The following PTPRN2 variants were observed in gnomAD, a reference collection of about 807,000 sequenced individuals.
The protein encoded by PTPRN2 is protein tyrosine phosphatase receptor type N2.
Under a neutral mutation model 118.8 loss-of-function variants are expected in PTPRN2, and 74 were observed. The observed-to-expected ratio is 0.62, with a 90% CI of 0.52 to 0.76. The LOEUF (loss-of-function observed/expected upper bound fraction) is 0.76, where lower values mean the gene tolerates loss of function less well. Among genes scored for constraint, PTPRN2 ranks in the 30% least tolerant of loss-of-function variants. The probability of loss-of-function intolerance (pLI) is 0.00; values close to 1 mark genes in which losing one functional copy is unlikely to be tolerated. For missense variants in PTPRN2, 1,481 were observed against 1,394.4 expected (o/e 1.06, Z -0.99); for synonymous variants, 641 against 608.0 (o/e 1.05, Z -0.80).
chr7:157,962,534 A>C (rs1487064019), intron 11 of PTPRN2, among the ~76,000 whole-genome samples: 1 of 152,224 alleles, frequency 6.6e-6, no homozygotes, highest in Non-Finnish European at 1.5e-5. Flanking sequence ...TATTTAATAC[A>C]CAGATTATTT....
chr7:157,662,208 G>A (rs780520577), intron 13 of PTPRN2, among the ~76,000 whole-genome samples: 4 of 152,288 alleles, frequency 2.6e-5, no homozygotes, highest in Admixed American at 1.3e-4. Context: ...CGACTTCACC[G>A]CTGGGAGGAT....
intron 3 of PTPRN2, among the ~76,000 whole-genome samples, chr7:158,273,322 C>T (rs1798639301): frequency 6.6e-6 from 1 of 151,140 alleles, no homozygotes; most frequent in Non-Finnish European, 1.5e-5. Context: ...TCCTTGCCTG[C>T]TGGGGAGGCC....
At position 158,311,065 on chromosome 7, in the gene PTPRN2, G is replaced by A. The variant is rs59373273; in HGVS notation, c.277+5754C>T. Among the ~76,000 whole-genome samples the A allele has an allele frequency of 3.8e-3, 572 of 152,276 alleles. 3 individuals carry two copies. The highest frequency in any genetic ancestry group is 0.013 in the African/African-American group (550 of 41,560). On this transcript the variant is annotated intron_variant, in intron 3 of 22. Coordinates refer to ENST00000389418, the MANE Select transcript of PTPRN2 (RefSeq NM_002847.5). ...CTCCAAGCTCCAAGGGCCCAGGATG[G>A]GAGGTAAAACAAGACAGGCGAGCAC...
chr7:157,729,683 C>T lies in PTPRN2; in HGVS notation c.1789-46746G>A, dbSNP rs551597037. ...CTGCAGGGAGGTCCTGGGAGGGTCG[C>T]TAGGGTGAGGACGCTGAGAGCCCAT... On this transcript the variant is annotated intron_variant, in intron 12 of 22. Coordinates refer to ENST00000389418, the MANE Select transcript of PTPRN2 (RefSeq NM_002847.5). The surrounding 1 kb of genome is among the most constrained non-coding windows in gnomAD (Gnocchi z 4.3). Among the ~76,000 whole-genome samples, 2 of 152,296 alleles carry T rather than the reference C, an allele frequency of 1.3e-5. No homozygotes were observed. The highest frequency in any genetic ancestry group is 4.1e-4 in the South Asian group (2 of 4,826).
intron 12 of PTPRN2, among the ~76,000 whole-genome samples, chr7:157,776,575 C>T (rs1803296190): frequency 2.9e-5 from 2 of 68,180 alleles, no homozygotes; most frequent in African/African-American, 6.4e-5. Flanking sequence ...TCCCTCTCCT[C>T]CTCCCTCTTC....
At position 157,676,220 on chromosome 7, in the gene PTPRN2, T is replaced by TGA; in HGVS notation, c.2001+6504_2001+6505insTC. On this transcript the variant is annotated intron_variant, in intron 13 of 22. Coordinates refer to ENST00000389418, the MANE Select transcript of PTPRN2 (RefSeq NM_002847.5). This position sits in a 1 kb window ranked among gnomAD's most constrained non-coding sequence, Gnocchi z 5.6. ...CTCTTCCCTCTAGCCCAGTTCCTCC[T>TGA]GGCAGCCCTGCAAATGCCCACCCTC... is the stretch of plus-strand genomic sequence containing the variant. Among the ~76,000 whole-genome samples, 1 of 152,128 alleles carries TGA rather than the reference T, an allele frequency of 6.6e-6. No homozygotes were observed. Among genetic ancestry groups the TGA allele is most frequent in the South Asian group, 2.1e-4 (1 of 4,824 alleles).
chr7:158,179,709 C>A (rs10266358), intron 5 of PTPRN2, among the ~76,000 whole-genome samples: 134,946 of 152,240 alleles, frequency 0.89, 60,066 homozygotes, highest in African/African-American at 0.97. Context: ...CTTCAGAGGC[C>A]GGGCTGGGTT....
intron 13 of PTPRN2, among the ~76,000 whole-genome samples, chr7:157,670,687 CG>C (rs1402438968): frequency 2.6e-4 from 39 of 152,150 alleles, no homozygotes; most frequent in Non-Finnish European, 8.8e-5. Context: ...GATGACTCAC[CG>C]GGCAATTAAG....
intron 12 of PTPRN2, among the ~76,000 whole-genome samples, chr7:157,824,936 T>C (rs1807076324): frequency 6.6e-6 from 1 of 152,122 alleles, no homozygotes. Context: ...AGGGCCCACA[T>C]TAGGGCTGAG....
intron 3 of PTPRN2, among the ~76,000 whole-genome samples, chr7:158,299,598 G>A (rs1317360673): frequency 6.6e-6 from 1 of 152,134 alleles, no homozygotes; most frequent in African/African-American, 2.4e-5. Context: ...GCCTGACCAG[G>A]AAGCAATTTT....
At chr7:158,171,715 T>C (rs35795717) in intron 5 of PTPRN2, among the ~76,000 whole-genome samples, 93,634 of 151,888 alleles carry the variant, frequency 0.62, 30,079 homozygotes, top group East Asian at 0.79. Flanking sequence ...AACTATCCAA[T>C]TAGACTTTTT....
chr7:158,484,882 C>T (rs551787064), intron 2 of PTPRN2, among the ~76,000 whole-genome samples: 75 of 152,198 alleles, frequency 4.9e-4, no homozygotes, highest in Non-Finnish European at 9.1e-4. Flanking sequence ...GAAGAAGCTG[C>T]AGTTGGAGAC....
At chr7:158,398,725 T>C (rs1812716292) in intron 2 of PTPRN2, among the ~76,000 whole-genome samples, 1 of 152,178 alleles carries the variant, frequency 6.6e-6, no homozygotes, top group South Asian at 2.1e-4. Context: ...CATCTCCATA[T>C]CTCCACATGA....
intron 14 of PTPRN2, among the ~76,000 whole-genome samples, chr7:157,645,150 G>A (rs1804978655): frequency 6.6e-6 from 1 of 152,254 alleles, no homozygotes; most frequent in South Asian, 2.1e-4. Context: ...ATGTTGCGTG[G>A]ACGTGCCACA....
intron 6 of PTPRN2, among the ~76,000 whole-genome samples, chr7:158,154,913 A>G (rs1821563351): frequency 6.6e-6 from 1 of 152,240 alleles, no homozygotes; most frequent in Non-Finnish European, 1.5e-5. Context: ...ACTACCTGCC[A>G]TTTGAAGATG....
chr7:158,118,048 T>A (rs1324305026), intron 9 of PTPRN2, among the ~76,000 whole-genome samples: 1 of 152,230 alleles, frequency 6.6e-6, no homozygotes, highest in Non-Finnish European at 1.5e-5. Flanking sequence ...AACAGTGGTT[T>A]GTAACTCCTT....
intron 10 of PTPRN2, among the ~76,000 whole-genome samples, chr7:158,086,978 C>T (rs1046937790): frequency 9.9e-5 from 15 of 152,162 alleles, no homozygotes; most frequent in African/African-American, 2.4e-4. Context: ...TTTGTTTAAC[C>T]GCCACTTCCT....
At chr7:157,933,990 G>T (rs1236461992) in intron 11 of PTPRN2, among the ~76,000 whole-genome samples, 1 of 152,216 alleles carries the variant, frequency 6.6e-6, no homozygotes, top group African/African-American at 2.4e-5. Context: ...TAAAGTAGGG[G>T]TGAGTCACTT....
chr7:158,475,157 C>T (rs1343952061), intron 2 of PTPRN2, among the ~76,000 whole-genome samples: 3 of 151,734 alleles, frequency 2.0e-5, no homozygotes, highest in Non-Finnish European at 4.4e-5. Flanking sequence ...GGCGGGAGGG[C>T]TCAGGACCCG....
Sources: gnomAD v4.1 joint callset for allele counts (sites outside exome capture counted in the v4.1 genomes callset) on GRCh38, gnomAD v4.1.1 for gene constraint, Gnocchi (gnomAD v3.1) non-coding constraint, MANE v1.5 for transcripts, NCBI Gene and HGNC (gene_info 2026-07-23, HGNC 2026-07-21) for gene names.